The following GPR137B variants were observed in gnomAD, a reference collection of about 807,000 sequenced individuals.
The protein encoded by GPR137B is integral membrane protein GPR137B.
A neutral mutation model predicts 42.5 loss-of-function variants in GPR137B; 42 were observed. That is an observed-to-expected ratio of 0.99 (90% confidence interval 0.77 to 1.28). The LOEUF (loss-of-function observed/expected upper bound fraction) is 1.28, where lower values mean the gene tolerates loss of function less well. GPR137B is among the 50% of genes most tolerant of loss of function. The pLI, the probability that GPR137B is intolerant of heterozygous loss-of-function variation, is 0.00. For synonymous variants in GPR137B, 218 were observed against 209.7 expected (o/e 1.04, Z -0.34); for missense variants, 487 against 493.9 (o/e 0.99, Z 0.13).
At chr1:236,152,991 G>T (rs567005318) in intron 1 of GPR137B, among the ~76,000 whole-genome samples, 1 of 151,804 alleles carries the variant, frequency 6.6e-6, no homozygotes, top group African/African-American at 2.4e-5. Context: ...GGGAGGCGGA[G>T]GATGCAGTGA....
chr1:236,155,625 G>T lies in GPR137B; in HGVS notation c.414+12589G>T, dbSNP rs908220653. 6.6e-6 allele frequency among the ~76,000 whole-genome samples: 1 copy of T among 152,206 alleles called. No homozygotes were observed. The highest frequency in any genetic ancestry group is 2.4e-5 in the African/African-American group (1 of 41,556). On this transcript the variant is annotated intron_variant, in intron 1 of 6. Transcript: ENST00000366592. The surrounding 1 kb of genome is among the most constrained non-coding windows in gnomAD (Gnocchi z 4.6). ...AGGGCCACCCTGAGTTCTGCCTTCT[G>T]GGTGGCCAGCCTGTGTTGGCGCCGT...
rs901556863 is a variant in GPR137B at position 236,150,605 on chromosome 1, C to T, written c.414+7569C>T. On this transcript the variant is annotated intron_variant, in intron 1 of 6. Transcript: ENST00000366592. This position sits in a 1 kb window ranked among gnomAD's most constrained non-coding sequence, Gnocchi z 6.2. The stretch of plus-strand genomic sequence containing the variant: ...TCACAGCACATTCAGCATCCAACCC[C>T]AGTGACCATGCAGGAAGCCTGGACT... 2.0e-5 allele frequency among the ~76,000 whole-genome samples: 3 copies of T among 152,206 alleles called. No individual in the cohort carries two copies. The highest frequency in any genetic ancestry group is 1.3e-4 in the Admixed American group (2 of 15,286).
At chr1:236,145,131 G>GT (rs1661647836) in intron 1 of GPR137B, among the ~76,000 whole-genome samples, 1 of 152,338 alleles carries the variant, frequency 6.6e-6, no homozygotes, top group Admixed American at 6.5e-5. Context: ...CCATCTCTGA[G>GT]TGCTGGCATC....
intron 1 of GPR137B, among the ~76,000 whole-genome samples, chr1:236,145,024 G>A (rs1661643769): frequency 6.6e-6 from 1 of 152,236 alleles, no homozygotes; most frequent in Non-Finnish European, 1.5e-5. Flanking sequence ...CAAAGTCACG[G>A]CCCTGTACTC....
At position 236,203,139 on chromosome 1, in the gene GPR137B, G is replaced by A. The variant is rs538730322; in HGVS notation, c.967-1987G>A. Among the ~76,000 whole-genome samples the A allele has an allele frequency of 8.7e-4, 133 of 152,188 alleles. 1 individual carries two copies. Among genetic ancestry groups the A allele is most frequent in the African/African-American group, 3.0e-3 (123 of 41,526 alleles). On this transcript the variant is annotated intron_variant, in intron 5 of 6. Coordinates refer to ENST00000366592, the MANE Select transcript of GPR137B (RefSeq NM_003272.4). ...GTCGCCCAGGCTGGAGTGCAATGGCGTGATCTCGGCTCACTGCAAGCTCCG... is the reference window on the plus strand; with the variant it reads ...GTCGCCCAGGCTGGAGTGCAATGGCATGATCTCGGCTCACTGCAAGCTCCG...
At chr1:236,197,912 G>A (rs969594491) in intron 5 of GPR137B, among the ~76,000 whole-genome samples, 1 of 152,112 alleles carries the variant, frequency 6.6e-6, no homozygotes, top group Non-Finnish European at 1.5e-5. Context: ...GTAGAGACGA[G>A]GTTTCACTAT....
chr1:236,181,571 C>T (rs1662878280), intron 4 of GPR137B, among the ~76,000 whole-genome samples: 1 of 152,192 alleles, frequency 6.6e-6, no homozygotes, highest in African/African-American at 2.4e-5. Context: ...TATAAATCTT[C>T]TAACATCTCA....
intron 2 of GPR137B, among the ~76,000 whole-genome samples, chr1:236,169,976 G>GT (rs1662483667): frequency 1.3e-5 from 2 of 149,366 alleles, no homozygotes; most frequent in South Asian, 4.2e-4. Flanking sequence ...GGAGGCAGAG[G>GT]TTGCAGTAAG....
chr1:236,167,976 G>A (rs1270936194), intron 1 of GPR137B, among the ~76,000 whole-genome samples: 3 of 152,232 alleles, frequency 2.0e-5, no homozygotes, highest in Admixed American at 1.3e-4. Flanking sequence ...CAATATTTCT[G>A]TTTCAGAAAA....
intron 1 of GPR137B, among the ~76,000 whole-genome samples, chr1:236,167,114 C>T (rs922321793): frequency 1.3e-5 from 2 of 152,142 alleles, no homozygotes; most frequent in African/African-American, 2.4e-5. Flanking sequence ...TTCCCCGCCC[C>T]GGCTTCATTG....
chr1:236,191,632 T>G (rs1358098842), intron 5 of GPR137B, among the ~76,000 whole-genome samples: 1 of 152,214 alleles, frequency 6.6e-6, no homozygotes, highest in Non-Finnish European at 1.5e-5. Flanking sequence ...CAGACCCTGT[T>G]TGCCTGGGTA....
intron 1 of GPR137B, among the ~76,000 whole-genome samples, chr1:236,152,219 T>C (rs1158155832): frequency 2.0e-5 from 3 of 152,146 alleles, no homozygotes; most frequent in East Asian, 1.9e-4. Context: ...CCCAACACTT[T>C]GGGAGGACGA....
rs886967649 is a variant in GPR137B at position 236,144,584 on chromosome 1, G to A, written c.414+1548G>A. 4.6e-5 allele frequency among the ~76,000 whole-genome samples: 7 copies of A among 152,354 alleles called. No individual in the cohort carries two copies. The East Asian group carries it at 7.7e-4, about 17-fold the overall frequency. The stretch of plus-strand genomic sequence containing the variant: ...AAATGGGTCTACACTCAGACTTCTT[G>A]TAAGTCCAGCGCATCAGCATATTTT... On this transcript the variant is annotated intron_variant, in intron 1 of 6. Coordinates refer to ENST00000366592, the MANE Select transcript of GPR137B (RefSeq NM_003272.4).
chr1:236,142,706 G>C lies in GPR137B; in HGVS notation c.84G>C (p.Ser28=). The C allele has an allele frequency of 6.3e-7, 1 of 1,598,538 alleles. No individual in the cohort carries two copies. The highest frequency in any genetic ancestry group is 1.1e-5 in the South Asian group (1 of 90,060). The part of the protein sequence containing the change: ...TPPWDPARND[S]LPPTLTPAVP... The stretch of plus-strand genomic sequence containing the variant: ...CGTGGGACCCAGCCCGCAACGACTC[G>C]CTGCCGCCCACGCTGACCCCGGCCG... Residue 28 remains serine, a synonymous_variant, in exon 1 of 7, where the codon TCG becomes TCC. Transcript: ENST00000366592.
chr1:236,161,511 C>CACCTCCTCATGCCTCCCACTCAT (rs1364493432), intron 1 of GPR137B, among the ~76,000 whole-genome samples: 2 of 152,078 alleles, frequency 1.3e-5, no homozygotes, highest in Admixed American at 1.3e-4. Context: ...CTCCCACTCA[C>CACCTCCTCATGCCTCCCACTCAT]ACCTTCTCAC....
At chr1:236,158,991 C>T (rs181338569) in intron 1 of GPR137B, among the ~76,000 whole-genome samples, 88 of 152,206 alleles carry the variant, frequency 5.8e-4, no homozygotes, top group African/African-American at 2.0e-3. Flanking sequence ...ACTGTCATAC[C>T]CACAAAGAAT....
At chr1:236,186,225 TATAATATATAATAATATAAATA>T (rs1663014737) in intron 5 of GPR137B, among the ~76,000 whole-genome samples, 2 of 42,364 alleles carry the variant, frequency 4.7e-5, no homozygotes, top group Admixed American at 4.3e-4. Context: ...TTATATATAA[TATAATATATAATAATATAAATA>T]ATATATAATA....
Position 236,178,404 on chromosome 1 carries a change from TGCCTTCCAGGTTGCCCCTCTACCTG to T in GPR137B, c.465-5_484del. The T allele has an allele frequency of 2.5e-6, 4 of 1,577,150 alleles. No individual in the cohort carries two copies. Among genetic ancestry groups the T allele is most frequent in the Non-Finnish European group, 3.5e-6 (4 of 1,147,256 alleles). On this transcript the variant is annotated splice_acceptor_variant and splice_polypyrimidine_tract_variant and coding_sequence_variant and intron_variant, in exon 3 of 7. Transcript: ENST00000366592. LOFTEE classifies it high-confidence loss of function. ...ATGTGCAGCTGACAAGTTGCTCTCA[TGCCTTCCAGGTTGCCCCTCTACCTG>T]GCCTCCCTCTTCATCAGCCTTGTTT...
At chr1:236,158,386 T>C (rs1260215342) in intron 1 of GPR137B, among the ~76,000 whole-genome samples, 2 of 152,242 alleles carry the variant, frequency 1.3e-5, no homozygotes, top group East Asian at 1.9e-4. Flanking sequence ...ATGGCACCAC[T>C]GCGCTCCAGC....
Sources: gnomAD v4.1 joint callset for allele counts (sites outside exome capture counted in the v4.1 genomes callset) on GRCh38, gnomAD v4.1.1 for gene constraint, Gnocchi (gnomAD v3.1) non-coding constraint, MANE v1.5 for transcripts, NCBI Gene and HGNC (gene_info 2026-07-23, HGNC 2026-07-21) for gene names.